The following IQCJ variants were observed in gnomAD, a reference collection of about 807,000 sequenced individuals.
The protein encoded by IQCJ is IQ domain-containing protein J.
IQCJ carries 9 observed loss-of-function variants against 11.0 expected under a neutral mutation model. That is an observed-to-expected ratio of 0.82 (90% CI 0.49 to 1.43). IQCJ has a LOEUF of 1.43. Ranked by LOEUF, IQCJ falls within the 40% of genes most tolerant of loss-of-function variation. IQCJ has a pLI of 0.00. For missense variants in IQCJ, 146 were observed against 133.2 expected (o/e 1.10, Z -0.47); for synonymous variants, 55 against 51.3 (o/e 1.07, Z -0.31).
At chr3:159,080,860 C>T (rs1017912179) in intron 1 of IQCJ, among the ~76,000 whole-genome samples, 1 of 152,066 alleles carries the variant, frequency 6.6e-6, no homozygotes, top group Non-Finnish European at 1.5e-5. Flanking sequence ...GTCTGACTGT[C>T]TCTCCTCTAG....
chr3:159,088,845 C>T (rs1435645341), intron 1 of IQCJ, among the ~76,000 whole-genome samples: 1 of 152,288 alleles, frequency 6.6e-6, no homozygotes, highest in East Asian at 1.9e-4. Flanking sequence ...CTGAATACAG[C>T]ACCCTGATGG....
intron 1 of IQCJ, chr3:159,070,014 A>G (rs1715456179): frequency 4.8e-6 from 1 of 209,040 alleles, no homozygotes; most frequent in South Asian, 7.7e-5. Flanking sequence ...AGGGGAAGAG[A>G]TGTGGTTCTG....
intron 1 of IQCJ, among the ~76,000 whole-genome samples, chr3:159,118,006 A>T (rs1719128746): frequency 6.6e-6 from 1 of 152,236 alleles, no homozygotes; most frequent in Admixed American, 6.5e-5. Context: ...AGTTTAAAAA[A>T]TAATTCCATA....
intron 1 of IQCJ, among the ~76,000 whole-genome samples, chr3:159,137,766 T>C (rs192925890): frequency 6.6e-6 from 1 of 152,298 alleles, no homozygotes. Flanking sequence ...AAGAAACCTA[T>C]TTTTCATCTC....
chr3:159,115,587 T>A (rs7646610), intron 1 of IQCJ, among the ~76,000 whole-genome samples: 104,847 of 152,012 alleles, frequency 0.69, 36,197 homozygotes, highest in East Asian at 0.71. Flanking sequence ...CATGGTGAAA[T>A]ATACTTCATT....
In IQCJ at chr3:159,244,809, C is replaced by T. The variant is rs536001398; in HGVS notation, c.10-1034C>T. Among the ~76,000 whole-genome samples, 8 of 152,120 alleles carry T rather than the reference C, an allele frequency of 5.3e-5. 1 individual carries two copies. In the South Asian group the frequency reaches 1.7e-3, roughly 32 times the overall value. On this transcript the variant is annotated intron_variant, in intron 1 of 3. Transcript: ENST00000397832. ...GGGTTATAATCATGTAGAGGCTAGTCCTGATGGTCTTTTGGATGTAATTGA... is the reference window on the plus strand; with the variant it reads ...GGGTTATAATCATGTAGAGGCTAGTTCTGATGGTCTTTTGGATGTAATTGA...
chr3:159,191,340 G>A (rs1018395311), intron 1 of IQCJ, among the ~76,000 whole-genome samples: 7 of 152,140 alleles, frequency 4.6e-5, no homozygotes, highest in Admixed American at 1.3e-4. Context: ...TTGGATCATG[G>A]AGCATCTTGG....
intron 1 of IQCJ, among the ~76,000 whole-genome samples, chr3:159,085,501 C>T (rs943716316): frequency 4.0e-5 from 6 of 151,130 alleles, no homozygotes; most frequent in Non-Finnish European, 7.4e-5. Context: ...ACACTGACTT[C>T]CACAATGGTT....
intron 1 of IQCJ, among the ~76,000 whole-genome samples, chr3:159,152,474 G>C (rs1320783326): frequency 2.0e-5 from 3 of 152,154 alleles, no homozygotes; most frequent in Non-Finnish European, 4.4e-5. Flanking sequence ...AACTAGGAGA[G>C]ACCATGGGTT....
chr3:159,208,482 C>A (rs1560026029), intron 1 of IQCJ, among the ~76,000 whole-genome samples: 1 of 152,222 alleles, frequency 6.6e-6, no homozygotes, highest in Non-Finnish European at 1.5e-5. Flanking sequence ...CAAACCTAAG[C>A]CTCTTTGTTG....
chr3:159,175,653 T>G (rs1347500767), intron 1 of IQCJ, among the ~76,000 whole-genome samples: 2 of 152,156 alleles, frequency 1.3e-5, no homozygotes, highest in African/African-American at 4.8e-5. Flanking sequence ...TTCATTCAGG[T>G]TGTTTCGTAT....
intron 1 of IQCJ, among the ~76,000 whole-genome samples, chr3:159,180,452 G>T (rs1310232481): frequency 6.7e-6 from 1 of 150,302 alleles, no homozygotes; most frequent in Non-Finnish European, 1.5e-5. Flanking sequence ...CATGATATCT[G>T]CCATTTAAAA....
At chr3:159,239,079 C>T (rs1240480440) in intron 1 of IQCJ, among the ~76,000 whole-genome samples, 3 of 152,076 alleles carry the variant, frequency 2.0e-5, no homozygotes, top group African/African-American at 7.2e-5. Flanking sequence ...TAAAATAAAA[C>T]AAAGCTTTCT....
At chr3:159,147,893 T>C (rs1224184842) in intron 1 of IQCJ, among the ~76,000 whole-genome samples, 1 of 152,220 alleles carries the variant, frequency 6.6e-6, no homozygotes, top group East Asian at 1.9e-4. Flanking sequence ...CGTGAATTTG[T>C]TTATACATCT....
chr3:159,119,678 T>G (rs1719237736), intron 1 of IQCJ, among the ~76,000 whole-genome samples: 1 of 152,200 alleles, frequency 6.6e-6, no homozygotes, highest in Non-Finnish European at 1.5e-5. Context: ...AACATTGTTT[T>G]GCTCCACAGA....
At chr3:159,144,109 G>A (rs1279285472) in intron 1 of IQCJ, among the ~76,000 whole-genome samples, 1 of 152,084 alleles carries the variant, frequency 6.6e-6, no homozygotes, top group Admixed American at 6.6e-5. Flanking sequence ...TGTTGAACTT[G>A]GAATTAAGTT....
intron 1 of IQCJ, among the ~76,000 whole-genome samples, chr3:159,095,519 C>T (rs1396856546): frequency 1.6e-4 from 18 of 113,744 alleles, no homozygotes; most frequent in African/African-American, 5.9e-4. Flanking sequence ...CCCCCCTCCC[C>T]CGACCCCACC....
intron 1 of IQCJ, among the ~76,000 whole-genome samples, chr3:159,240,967 A>C (rs2108180446): frequency 6.6e-6 from 1 of 152,328 alleles, no homozygotes; most frequent in East Asian, 1.9e-4. Context: ...TTAGTTCTGA[A>C]CTTTTATAAT....
At chr3:159,157,022 T>C (rs1449614433) in intron 1 of IQCJ, among the ~76,000 whole-genome samples, 1 of 152,202 alleles carries the variant, frequency 6.6e-6, no homozygotes, top group African/African-American at 2.4e-5. Context: ...AAGTCAGTTA[T>C]ATTTGAGTCT....
Sources: allele counts gnomAD v4.1 joint callset (sites outside exome capture counted in the v4.1 genomes callset), GRCh38; gene constraint gnomAD v4.1.1; transcripts MANE v1.5; gene names NCBI Gene and HGNC (gene_info 2026-07-23, HGNC 2026-07-21).